ABTB3: variants seen among roughly 807,000 people sequenced by gnomAD.
ABTB3 encodes ankyrin repeat and BTB domain containing 3, also known as ankyrin repeat- and BTB/POZ domain-containing protein 3.
At chr12:107,623,551 G>C in the ABTB3 span, among the ~76,000 whole-genome samples, 329 of 151,790 alleles carry the variant, frequency 2.2e-3, 1 homozygote, top group African/African-American at 7.5e-3. Context: ...ATTTTTGGTA[G>C]AGACAGAGTT....
the ABTB3 span, among the ~76,000 whole-genome samples, chr12:107,378,455 A>G: frequency 6.6e-6 from 1 of 152,236 alleles, no homozygotes; most frequent in East Asian, 1.9e-4. Context: ...TAAGGCAGAT[A>G]CTGTCCTATT....
chr12:107,584,524 G>C, the ABTB3 span, among the ~76,000 whole-genome samples: 1 of 152,226 alleles, frequency 6.6e-6, no homozygotes, highest in African/African-American at 2.4e-5. Context: ...TTCTGAGTCG[G>C]TCAGAGCTGA....
chr12:107,520,691 CCCG>C, the ABTB3 span: 1 of 1,596,126 alleles, frequency 6.3e-7, no homozygotes, highest in Non-Finnish European at 8.6e-7. Context: ...CCTGTCTGTG[CCCG>C]AAGTGACACA....
the ABTB3 span, among the ~76,000 whole-genome samples, chr12:107,442,543 GAA>G: frequency 1.3e-5 from 2 of 152,204 alleles, no homozygotes; most frequent in African/African-American, 4.8e-5. Flanking sequence ...AAAATGTTAG[GAA>G]ACAGAGATGT....
the ABTB3 span, among the ~76,000 whole-genome samples, chr12:107,388,592 C>T: frequency 6.6e-6 from 1 of 151,608 alleles, no homozygotes; most frequent in Non-Finnish European, 1.5e-5. Context: ...CTTCTTCCCT[C>T]TTCCTCTCTC....
At chr12:107,651,615 T>C in the ABTB3 span, 392,706 of 1,222,494 alleles carry the variant, frequency 0.32, 65,136 homozygotes, top group East Asian at 0.54. Context: ...TAGTTCCTTA[T>C]TGTTACCTCC....
At chr12:107,610,275 C>T in the ABTB3 span, 1,074 of 1,614,172 alleles carry the variant, frequency 6.7e-4, 5 homozygotes, top group African/African-American at 0.012. Flanking sequence ...TTTCCGGATG[C>T]TGAACTGTGG....
chr12:107,438,006 C>T, the ABTB3 span, among the ~76,000 whole-genome samples: 1 of 152,108 alleles, frequency 6.6e-6, no homozygotes, highest in Non-Finnish European at 1.5e-5. Flanking sequence ...GACTGATTTG[C>T]ATTTTGCCTG....
chr12:107,571,134 A>G, the ABTB3 span, among the ~76,000 whole-genome samples: 1 of 152,218 alleles, frequency 6.6e-6, no homozygotes, highest in Admixed American at 6.5e-5. Flanking sequence ...CACATATAAC[A>G]AACCCTCAAT....
At chr12:107,618,360 A>C in the ABTB3 span, 1 of 1,612,964 alleles carries the variant, frequency 6.2e-7, no homozygotes, top group Non-Finnish European at 8.5e-7. Context: ...GGATGTCACA[A>C]TTGATATCAG....
chr12:107,545,369 A>C, the ABTB3 span, among the ~76,000 whole-genome samples: 1 of 151,698 alleles, frequency 6.6e-6, no homozygotes, highest in Non-Finnish European at 1.5e-5. Context: ...AGCCCCCCTC[A>C]AGTAGCTGGG....
chr12:107,558,922 C>A, the ABTB3 span, among the ~76,000 whole-genome samples: 1 of 146,222 alleles, frequency 6.8e-6, no homozygotes, highest in Admixed American at 7.0e-5. Flanking sequence ...GATCCCAGAG[C>A]CTGCGTCCTC....
the ABTB3 span, among the ~76,000 whole-genome samples, chr12:107,436,684 G>A: frequency 6.6e-6 from 1 of 152,206 alleles, no homozygotes; most frequent in African/African-American, 2.4e-5. Context: ...AGTATCCAGA[G>A]GGTGAGCGAG....
chr12:107,327,909 G>T, the ABTB3 span, among the ~76,000 whole-genome samples: 3 of 152,192 alleles, frequency 2.0e-5, no homozygotes, highest in Non-Finnish European at 4.4e-5. Context: ...GTTGATGAAA[G>T]CTCTGCCATC....
At chr12:107,578,713 C>T in the ABTB3 span, among the ~76,000 whole-genome samples, 4 of 152,154 alleles carry the variant, frequency 2.6e-5, no homozygotes, top group African/African-American at 4.8e-5. Context: ...AATTTCAAGT[C>T]AGCGTGTGTT....
At chr12:107,591,668 AGGCATGTCATGG>A in the ABTB3 span, among the ~76,000 whole-genome samples, 1 of 152,298 alleles carries the variant, frequency 6.6e-6, no homozygotes, top group East Asian at 1.9e-4. Context: ...GGGGAAACTG[AGGCATGTCATGG>A]GCAAAGGAAA....
the ABTB3 span, among the ~76,000 whole-genome samples, chr12:107,470,381 A>G: frequency 1.3e-5 from 2 of 152,038 alleles, no homozygotes; most frequent in Admixed American, 1.3e-4. Flanking sequence ...TAGGGGCTCA[A>G]AAATATTTAG....
the ABTB3 span, among the ~76,000 whole-genome samples, chr12:107,363,648 G>C: frequency 6.6e-6 from 1 of 152,106 alleles, no homozygotes; most frequent in Non-Finnish European, 1.5e-5. Flanking sequence ...CCCATTTTTA[G>C]TTGTAATTGC....
the ABTB3 span, among the ~76,000 whole-genome samples, chr12:107,648,162 C>A: frequency 6.6e-6 from 1 of 152,006 alleles, no homozygotes; most frequent in African/African-American, 2.4e-5. Flanking sequence ...GGACAGATTG[C>A]CTGAGCTCAG....
Sources: allele counts gnomAD v4.1 joint callset (sites outside exome capture counted in the v4.1 genomes callset), GRCh38; gene constraint gnomAD v4.1.1; transcripts MANE v1.5; gene names NCBI Gene and HGNC (gene_info 2026-07-23, HGNC 2026-07-21).